Variants in NLRP2 observed in about 807,000 individuals in gnomAD.
The protein encoded by NLRP2 is NLR family pyrin domain containing 2, also known as NACHT, LRR and PYD domains-containing protein 2.
Under a neutral mutation model 97.2 loss-of-function variants are expected in NLRP2, and 107 were observed. The ratio of observed to expected loss-of-function variants is 1.10; its 90% confidence interval spans 0.94 to 1.29. NLRP2 has a LOEUF of 1.29. NLRP2 is among the 50% of genes most tolerant of loss of function. The probability of loss-of-function intolerance (pLI) is 0.00; values close to 1 mark genes in which losing one functional copy is unlikely to be tolerated. For synonymous variants in NLRP2, 663 were observed against 551.5 expected, an observed-to-expected ratio of 1.20 and a Z score of -2.83; for missense variants, 1,495 against 1,330.3, an observed-to-expected ratio of 1.12 and a Z score of -1.93.
intron 2 of NLRP2, among the ~76,000 whole-genome samples, chr19:54,973,466 C>G (rs1568470618): frequency 6.6e-6 from 1 of 151,332 alleles, no homozygotes; most frequent in Non-Finnish European, 1.5e-5. Context: ...ACCTCCTCCT[C>G]CCAGGTTTAA....
At chr19:54,999,899 A>G (rs2073083464) in intron 12 of NLRP2, among the ~76,000 whole-genome samples, 1 of 151,842 alleles carries the variant, frequency 6.6e-6, no homozygotes, top group Non-Finnish European at 1.5e-5. Context: ...ATCACACCCA[A>G]CTAACTTTTA....
In NLRP2 at chr19:55,001,090, T is replaced by C. The variant is rs79652241; in HGVS notation, c.*192T>C. 333 of 576,572 alleles carry C rather than the reference T, an allele frequency of 5.8e-4. No homozygotes were observed. The East Asian group carries it at 9.6e-3, about 17-fold the overall frequency. 35.7% of individuals were successfully genotyped at this position (576,572 alleles called of 1,614,324 possible). On this transcript the variant is annotated 3_prime_UTR_variant, in exon 13 of 13. Coordinates refer to ENST00000448584, the MANE Select transcript of NLRP2 (RefSeq NM_017852.5). ...CCTTATCTTTGTTACATATGAAATA[T>C]CTGTATCACGGGTATATTGAGAGAA... is the stretch of plus-strand genomic sequence containing the variant.
chr19:54,972,164 C>A (rs137950640), intron 2 of NLRP2, among the ~76,000 whole-genome samples: 39 of 151,048 alleles, frequency 2.6e-4, no homozygotes, highest in African/African-American at 8.3e-4. Flanking sequence ...TAGAACTACT[C>A]TACTTTCTAC....
At chr19:54,989,940 G>A (rs900474629) in intron 8 of NLRP2, 82 bp from the exon 9 acceptor site, 16 of 1,509,104 alleles carry the variant, frequency 1.1e-5, no homozygotes, top group Admixed American at 1.0e-4. Context: ...GCTGTGAGCC[G>A]AGATTGCGCC....
chr19:54,969,037 G>A (rs975588026), intron 1 of NLRP2, among the ~76,000 whole-genome samples: 1 of 152,076 alleles, frequency 6.6e-6, no homozygotes, highest in Non-Finnish European at 1.5e-5. Context: ...CAGTTTTCAC[G>A]AAGTTTCTTG....
At chr19:54,978,645 C>G (rs1223499870) in intron 4 of NLRP2, among the ~76,000 whole-genome samples, 1 of 151,946 alleles carries the variant, frequency 6.6e-6, no homozygotes, top group Middle Eastern at 3.4e-3. Context: ...ATCAAGAGAT[C>G]GAGACCATCC....
intron 3 of NLRP2, among the ~76,000 whole-genome samples, chr19:54,975,558 T>C (rs1286130251): frequency 1.6e-4 from 20 of 123,596 alleles, no homozygotes; most frequent in African/African-American, 3.3e-4. Context: ...TTCATGCCAT[T>C]CTCCTGCCTC....
chr19:54,976,808 C>CT lies in NLRP2; in HGVS notation c.326-943dup. On this transcript the variant is annotated intron_variant, in intron 3 of 12. Transcript: ENST00000448584. ...TGTTATTAGGATTCCACCTTGTTCT[C>CT]TCTCTTTTTTTTTTTTTTTTTGATA... 8.7e-6 allele frequency: 2 copies of CT among 229,358 alleles called. 1 individual carries two copies. Among genetic ancestry groups the CT allele is most frequent in the Admixed American group, 1.2e-4 (2 of 17,232 alleles). The allele number at this position is 229,358 out of a possible 1,614,324, so 14.2% of individuals were successfully genotyped here. A position where few individuals can be genotyped will look rare whatever the true frequency, so the allele number is the denominator to read the frequency against.
At chr19:54,971,615 G>A (rs1012047059) in intron 2 of NLRP2, among the ~76,000 whole-genome samples, 9 of 151,698 alleles carry the variant, frequency 5.9e-5, no homozygotes, top group Non-Finnish European at 1.0e-4. Context: ...CTGCATAAAT[G>A]TCTTCTTTTG....
At chr19:54,977,648 C>T (rs2071327379) in intron 3 of NLRP2, 104 bp from the exon 4 acceptor site, 1 of 1,071,614 alleles carries the variant, frequency 9.3e-7, no homozygotes, top group South Asian at 1.2e-5. Context: ...TTTTTAGTAC[C>T]TAATCTAGGC....
In NLRP2 at chr19:54,966,481, C is replaced by T. The variant is rs957391476; in HGVS notation, c.-18+14C>T. 1.3e-5 allele frequency: 2 copies of T among 152,228 alleles called. No homozygotes were observed. Among genetic ancestry groups the T allele is most frequent in the East Asian group, 3.9e-4 (2 of 5,180 alleles). 9.4% of individuals were successfully genotyped at this position (152,228 alleles called of 1,614,324 possible). A position where few individuals can be genotyped will look rare whatever the true frequency, so the allele number is the denominator to read the frequency against. ...AGGTGTTGGGAGGTGAGTAGCTCTC[C>T]GGCAGCTCTGCAACTTCATTTCTTT... is the stretch of plus-strand genomic sequence containing the variant. On this transcript the variant is annotated intron_variant, in intron 1 of 12. Transcript: ENST00000448584.
intron 3 of NLRP2, among the ~76,000 whole-genome samples, chr19:54,975,396 C>T (rs2071158903): frequency 6.9e-6 from 1 of 145,406 alleles, no homozygotes; most frequent in South Asian, 2.3e-4. Flanking sequence ...TGCTGGGGTA[C>T]AGGTGTGAGC....
At chr19:55,000,571 G>A (rs1434298523) in intron 12 of NLRP2, among the ~76,000 whole-genome samples, 189 bp from the exon 13 acceptor site, 7 of 145,098 alleles carry the variant, frequency 4.8e-5, no homozygotes, top group East Asian at 2.0e-4. Context: ...GAGCCATCAC[G>A]CCCCACCTGA....
rs771360716 is a variant in NLRP2, at chr19:54,982,554, G to A, written c.856G>A (p.Val286Met). The A allele has an allele frequency of 6.8e-6, 11 of 1,614,088 alleles. No individual in the cohort carries two copies. Among genetic ancestry groups the A allele is most frequent in the African/African-American group, 4.0e-5 (3 of 74,938 alleles). Residue 286 changes from valine to methionine, a missense_variant, in exon 6 of 13, where the codon GTG becomes ATG. Coordinates refer to ENST00000448584, the MANE Select transcript of NLRP2 (RefSeq NM_017852.5). ...ILAQARKILF[V>M]IDGFDELGAA... Reference sequence around the variant, plus strand: ...AGCCCAAGCACGGAAAATCTTGTTCGTGATTGACGGCTTTGATGAGCTGGG... The same window carrying A: ...AGCCCAAGCACGGAAAATCTTGTTCATGATTGACGGCTTTGATGAGCTGGG...
intron 9 of NLRP2, 61 bp downstream of exon 9, chr19:54,990,253 T>C: frequency 4.5e-6 from 7 of 1,543,882 alleles, no homozygotes; most frequent in Non-Finnish European, 6.3e-6. Flanking sequence ...AGACGAGCAA[T>C]GGTCATGCCT....
Position 54,992,596 on chromosome 19 carries a change from G to C in NLRP2, c.2709-1673G>C, listed in dbSNP as rs1464491532. Among the ~76,000 whole-genome samples, 4 of 100,272 alleles carry C rather than the reference G, an allele frequency of 4.0e-5. No homozygotes were observed. In the Admixed American group the frequency reaches 6.3e-4, roughly 16 times the overall value. The allele number at this position is 100,272 out of a possible 152,430, so 65.8% of individuals were successfully genotyped here. On this transcript the variant is annotated intron_variant, in intron 10 of 12. Transcript: ENST00000448584. ...TTGGTTTTTTTTTTTTGATAGTCTT[G>C]CTCTGTCGCCCAGGCTGGAATGCAG...
At chr19:54,968,665 C>T (rs2070637931) in intron 1 of NLRP2, among the ~76,000 whole-genome samples, 3 of 150,488 alleles carry the variant, frequency 2.0e-5, no homozygotes, top group Non-Finnish European at 4.4e-5. Flanking sequence ...CACCTGTGTC[C>T]TGAGACCAGG....
At chr19:54,988,706 A>C (rs1423516087) in intron 8 of NLRP2, among the ~76,000 whole-genome samples, 1 of 151,966 alleles carries the variant, frequency 6.6e-6, no homozygotes, top group African/African-American at 2.4e-5. Flanking sequence ...TTTTAGGAGA[A>C]ATGGGGTTTC....
intron 6 of NLRP2, among the ~76,000 whole-genome samples, chr19:54,984,330 T>TG (rs1491551086): frequency 0.013 from 182 of 13,652 alleles, 5 homozygotes; most frequent in Middle Eastern, 0.045. Flanking sequence ...TTTTTTTGTG[T>TG]TTTTTTTTTT....
Sources: gnomAD v4.1 joint callset for allele counts (sites outside exome capture counted in the v4.1 genomes callset) on GRCh38, gnomAD v4.1.1 for gene constraint, MANE v1.5 for transcripts, NCBI Gene and HGNC (gene_info 2026-07-23, HGNC 2026-07-21) for gene names.